TRAPPC9: variants seen among roughly 807,000 people sequenced by gnomAD.
The protein encoded by TRAPPC9 is IKK2 binding protein.
In TRAPPC9, 83 loss-of-function variants were observed where a neutral mutation model predicts 124.0. The ratio of observed to expected loss-of-function variants is 0.67; its 90% CI spans 0.56 to 0.80. TRAPPC9 has a LOEUF of 0.80. Ranked by LOEUF, TRAPPC9 falls within the 30% of genes least tolerant of loss-of-function variation. The pLI, the probability that TRAPPC9 is intolerant of heterozygous loss-of-function variation, is 0.00. For missense variants in TRAPPC9, 1,302 were observed against 1,508.3 expected, an observed-to-expected ratio of 0.86 and a Z score of 2.27; for synonymous variants, 638 against 617.5, an observed-to-expected ratio of 1.03 and a Z score of -0.49.
chr8:139,980,875 C>A (rs1458535773), intron 19 of TRAPPC9, among the ~76,000 whole-genome samples: 3 of 152,160 alleles, frequency 2.0e-5, no homozygotes, highest in African/African-American at 7.2e-5. Flanking sequence ...ATTTCCCCAC[C>A]GCAGAAGCCA....
chr8:140,273,924 A>G (rs1385959269), intron 15 of TRAPPC9, among the ~76,000 whole-genome samples: 1 of 151,886 alleles, frequency 6.6e-6, no homozygotes, highest in Admixed American at 6.6e-5. Flanking sequence ...TAAAAATGCT[A>G]CTCTTCTGCC....
intron 18 of TRAPPC9, among the ~76,000 whole-genome samples, chr8:139,998,139 G>A (rs993383626): frequency 2.6e-5 from 4 of 152,236 alleles, no homozygotes; most frequent in South Asian, 2.1e-4. Flanking sequence ...AAAAAACCAC[G>A]GAGGGCAGAG....
chr8:139,769,851 C>T (rs969757038), intron 21 of TRAPPC9, among the ~76,000 whole-genome samples: 1 of 152,176 alleles, frequency 6.6e-6, no homozygotes, highest in Admixed American at 6.5e-5. Flanking sequence ...AGAAGAAATA[C>T]ATAAAGGAAG....
At chr8:140,157,880 T>C (rs1036397840) in intron 17 of TRAPPC9, among the ~76,000 whole-genome samples, 3 of 152,222 alleles carry the variant, frequency 2.0e-5, no homozygotes, top group African/African-American at 7.2e-5. Flanking sequence ...TAAATGCATA[T>C]TTTTATAAGA....
chr8:140,315,986 G>C (rs559575308), intron 9 of TRAPPC9, among the ~76,000 whole-genome samples: 7 of 152,222 alleles, frequency 4.6e-5, no homozygotes. Context: ...ATTTCCTTAT[G>C]GATTGTATCT....
In TRAPPC9 at chr8:140,233,620, C is replaced by A. The variant is rs2063658779; in HGVS notation, c.2432-12037G>T. On this transcript the variant is annotated intron_variant, in intron 16 of 22. Transcript: ENST00000438773. Reference sequence around the variant, plus strand: ...TCTCCCTCCCTCCCTCCCTCTCTCCCCACCACACACACACACACACACACA... The same window carrying A: ...TCTCCCTCCCTCCCTCCCTCTCTCCACACCACACACACACACACACACACA... Among the ~76,000 whole-genome samples, 4 of 132,936 alleles carry A rather than the reference C, an allele frequency of 3.0e-5. No individual in the cohort carries two copies. In the Admixed American group the frequency reaches 3.3e-4, roughly 11 times the overall value. The allele number at this position is 132,936 out of a possible 152,430, so 87.2% of individuals were successfully genotyped here.
Position 139,987,859 on chromosome 8 carries a change from C to T in TRAPPC9, c.2810+867G>A, listed in dbSNP as rs111792856. ...CCTGCCTCCGGGCAAGCCCTGGCCT[C>T]GCTCCTGACCAGCTCTCACTTCCGC... is the stretch of plus-strand genomic sequence containing the variant. On this transcript the variant is annotated intron_variant, in intron 19 of 22. Coordinates refer to ENST00000438773, the MANE Select transcript of TRAPPC9 (RefSeq NM_001160372.4). Among the ~76,000 whole-genome samples, 104 of 152,242 alleles carry T rather than the reference C, an allele frequency of 6.8e-4. 2 individuals carry two copies. Among genetic ancestry groups the T allele is most frequent in the African/African-American group, 2.5e-3 (102 of 41,538 alleles).
At chr8:140,107,241 G>A (rs985134487) in intron 17 of TRAPPC9, among the ~76,000 whole-genome samples, 11 of 152,148 alleles carry the variant, frequency 7.2e-5, no homozygotes, top group African/African-American at 2.7e-4. Context: ...AAGTCTCAGA[G>A]CACTTACTGT....
chr8:140,391,144 T>C (rs999385688), intron 7 of TRAPPC9, among the ~76,000 whole-genome samples: 2 of 152,214 alleles, frequency 1.3e-5, no homozygotes, highest in Non-Finnish European at 2.9e-5. Flanking sequence ...CAGAGTAGCC[T>C]GCATAAAATT....
chr8:140,375,515 A>T (rs2068411181), intron 7 of TRAPPC9, among the ~76,000 whole-genome samples: 2 of 152,214 alleles, frequency 1.3e-5, no homozygotes, highest in African/African-American at 4.8e-5. Flanking sequence ...CTCTGGCAGG[A>T]TGGAGAGGGA....
rs958048607 is a variant in TRAPPC9 at position 140,114,661 on chromosome 8, A to G, written c.2557-90582T>C. ...TTACATCCAAGACTTAAAGACAAAG[A>G]AGGAGGAAAGAGGTGAAGTGCCTGT... On this transcript the variant is annotated intron_variant, in intron 17 of 22. Coordinates refer to ENST00000438773, the MANE Select transcript of TRAPPC9 (RefSeq NM_001160372.4). 9.9e-5 allele frequency among the ~76,000 whole-genome samples: 15 copies of G among 152,194 alleles called. No homozygotes were observed. The East Asian group carries it at 2.5e-3, about 25-fold the overall frequency.
At chr8:139,734,123 C>G (rs561100146) in intron 21 of TRAPPC9, among the ~76,000 whole-genome samples, 5 of 152,340 alleles carry the variant, frequency 3.3e-5, no homozygotes, top group African/African-American at 1.2e-4. Flanking sequence ...GCCTCTAGGC[C>G]TGTCTCCTCT....
chr8:140,147,816 G>A (rs1322206410), intron 17 of TRAPPC9, among the ~76,000 whole-genome samples: 1 of 152,230 alleles, frequency 6.6e-6, no homozygotes. Flanking sequence ...CCGAAGTAGA[G>A]ACCTCAGCAA....
At position 140,438,735 on chromosome 8, in the gene TRAPPC9, C is replaced by G. The variant is rs549682792; in HGVS notation, c.730+317G>C. On this transcript the variant is annotated intron_variant, in intron 3 of 22. Transcript: ENST00000438773. ...TTGAGATGGAGTCTCGCTCTGTTGC[C>G]AGGCTGGAGTGCAGTTGTGCAACCT... 2.0e-5 allele frequency among the ~76,000 whole-genome samples: 3 copies of G among 152,150 alleles called. No individual in the cohort carries two copies. The East Asian group carries it at 5.8e-4, about 29-fold the overall frequency.
intron 19 of TRAPPC9, among the ~76,000 whole-genome samples, chr8:139,935,466 G>A (rs1017315809): frequency 1.3e-5 from 2 of 152,136 alleles, no homozygotes; most frequent in East Asian, 1.9e-4. Flanking sequence ...AATGGACTGC[G>A]TGTGCAGACA....
intron 19 of TRAPPC9, chr8:139,932,754 A>G (rs1833268822): frequency 5.7e-6 from 2 of 349,552 alleles, no homozygotes; most frequent in East Asian, 7.5e-5. Flanking sequence ...ACAGAATGAG[A>G]CTGTGTCTTC....
At chr8:140,238,437 G>A (rs2063773452) in intron 16 of TRAPPC9, 1 of 152,216 alleles carries the variant, frequency 6.6e-6, no homozygotes, top group Admixed American at 6.5e-5. Context: ...GTGCTCCTGA[G>A]AGCTCCAGGG....
chr8:140,023,687 A>G, intron 18 of TRAPPC9, among the ~76,000 whole-genome samples: 1 of 152,374 alleles, frequency 6.6e-6, no homozygotes, highest in African/African-American at 2.4e-5. Context: ...GGAATGCTGC[A>G]ATCATCAGCG....
chr8:140,266,743 C>T (rs992582953), intron 15 of TRAPPC9, among the ~76,000 whole-genome samples: 2 of 150,362 alleles, frequency 1.3e-5, no homozygotes, highest in Non-Finnish European at 1.5e-5. Flanking sequence ...GCCTGTAGTC[C>T]CAGCTACTCG....
Sources: allele counts gnomAD v4.1 joint callset (sites outside exome capture counted in the v4.1 genomes callset), GRCh38; gene constraint gnomAD v4.1.1; transcripts MANE v1.5; gene names NCBI Gene and HGNC (gene_info 2026-07-23, HGNC 2026-07-21).